Variants in ZBTB20 observed in about 807,000 individuals in gnomAD.
ZBTB20 encodes zinc finger and BTB domain-containing protein 20.
Under a neutral mutation model 56.9 loss-of-function variants are expected in ZBTB20, and 9 were observed. The ratio of observed to expected loss-of-function variants is 0.16; its 90% CI spans 0.10 to 0.28. The LOEUF (loss-of-function observed/expected upper bound fraction) is 0.28. Ranked by LOEUF, ZBTB20 falls within the 10% of genes least tolerant of loss-of-function variation. The probability of loss-of-function intolerance (pLI) is 1.00; values close to 1 mark genes in which losing one functional copy is unlikely to be tolerated. For missense variants in ZBTB20, 655 were observed against 1,003.0 expected (o/e 0.65, Z 4.69); for synonymous variants, 417 against 420.7 (o/e 0.99, Z 0.11).
intron 10 of ZBTB20, among the ~76,000 whole-genome samples, chr3:114,370,373 C>T (rs1396955799): frequency 6.6e-6 from 1 of 152,110 alleles, no homozygotes; most frequent in African/African-American, 2.4e-5. Context: ...TTTTGTGACA[C>T]ATCTGATTCT....
Position 114,314,732 on chromosome 3 carries a change from C to T in ZBTB20, c.*24273G>A, listed in dbSNP as rs1264380952. On this transcript the variant is annotated 3_prime_UTR_variant, in exon 12 of 12. Coordinates refer to ENST00000675478, the MANE Select transcript of ZBTB20 (RefSeq NM_001348800.3). Reference sequence around the variant, plus strand: ...TCGTATTTTTAAGGCGTAATACTTCCGTATAAAGTATATGCAAGAGATAAA... The same window carrying T: ...TCGTATTTTTAAGGCGTAATACTTCTGTATAAAGTATATGCAAGAGATAAA... 6 of 151,496 alleles carry T rather than the reference C, an allele frequency of 4.0e-5. No individual in the cohort carries two copies. Among genetic ancestry groups the T allele is most frequent in the South Asian group, 4.2e-4 (2 of 4,798 alleles). 9.4% of individuals were successfully genotyped at this position (151,496 alleles called of 1,614,324 possible).
At chr3:114,492,648 C>T (rs1451660202) in intron 7 of ZBTB20, among the ~76,000 whole-genome samples, 1 of 152,086 alleles carries the variant, frequency 6.6e-6, no homozygotes, top group East Asian at 1.9e-4. Flanking sequence ...CATTTTTGAT[C>T]CTTCCAAATT....
chr3:115,013,383 G>A (rs72960382), intron 2 of ZBTB20, among the ~76,000 whole-genome samples: 24,074 of 151,486 alleles, frequency 0.16, 3,763 homozygotes, highest in African/African-American at 0.41. Flanking sequence ...TTAAAGGATC[G>A]TTAGTGGCTG....
intron 7 of ZBTB20, among the ~76,000 whole-genome samples, chr3:114,496,641 A>G (rs555399717): frequency 6.6e-6 from 1 of 152,326 alleles, no homozygotes; most frequent in East Asian, 1.9e-4. Context: ...CTGGCAGCCC[A>G]AAGTGAACAA....
Position 114,380,866 on chromosome 3 carries a change from G to C in ZBTB20, c.-79C>G. 7.6e-7 allele frequency: 1 copy of C among 1,314,224 alleles called. No individual in the cohort carries two copies. The highest frequency in any genetic ancestry group is 1.8e-5 in the South Asian group (1 of 56,620). The allele number at this position is 1,314,224 out of a possible 1,614,324, so 81.4% of individuals were successfully genotyped here. A position where few individuals can be genotyped will look rare whatever the true frequency, so the allele number is the denominator to read the frequency against. ...TGGGAGTCAGGAGACTTGAGCTACC[G>C]TACTAGCTGTGCCTCTAACTTGCTG... On this transcript the variant is annotated 5_prime_UTR_variant, in exon 9 of 12. Transcript: ENST00000675478.
chr3:114,980,156 T>C (rs1295595660), intron 2 of ZBTB20, among the ~76,000 whole-genome samples: 2 of 152,200 alleles, frequency 1.3e-5, no homozygotes, highest in South Asian at 2.1e-4. Flanking sequence ...CCTTTTATTA[T>C]GTGAAGCTTC....
At chr3:114,734,442 C>A (rs1369792419) in intron 5 of ZBTB20, among the ~76,000 whole-genome samples, 1 of 151,684 alleles carries the variant, frequency 6.6e-6, no homozygotes, top group African/African-American at 2.4e-5. Context: ...TTTTTTGATA[C>A]CATATAGTAT....
chr3:114,589,278 T>C (rs1379904760), intron 6 of ZBTB20, among the ~76,000 whole-genome samples: 1 of 152,178 alleles, frequency 6.6e-6, no homozygotes, highest in Non-Finnish European at 1.5e-5. Context: ...ATGACAACCC[T>C]TGTGTGTATT....
chr3:115,064,545 G>A (rs576722324), intron 2 of ZBTB20, among the ~76,000 whole-genome samples: 519 of 142,236 alleles, frequency 3.6e-3, no homozygotes, highest in African/African-American at 0.012. Flanking sequence ...TCCGCCTCCC[G>A]GGTTCAAGTG....
intron 5 of ZBTB20, among the ~76,000 whole-genome samples, chr3:114,783,709 C>T (rs1469653169): frequency 2.0e-5 from 3 of 149,744 alleles, no homozygotes; most frequent in African/African-American, 4.9e-5. Context: ...AGAAGAATTG[C>T]TTGAATCTGG....
intron 5 of ZBTB20, among the ~76,000 whole-genome samples, chr3:114,796,619 G>A (rs77180671): frequency 0.047 from 7,079 of 151,894 alleles, 403 homozygotes; most frequent in African/African-American, 0.14. Context: ...ATCAAAGAAA[G>A]AGAATAAATG....
At chr3:115,045,522 G>T (rs573101467) in intron 2 of ZBTB20, among the ~76,000 whole-genome samples, 1 of 151,628 alleles carries the variant, frequency 6.6e-6, no homozygotes, top group African/African-American at 2.4e-5. Context: ...TTTGTTTACT[G>T]GTATTGTTAT....
At chr3:114,541,262 T>G (rs2049082109) in intron 6 of ZBTB20, among the ~76,000 whole-genome samples, 1 of 152,132 alleles carries the variant, frequency 6.6e-6, no homozygotes. Context: ...AATGTTAAGG[T>G]TGAGCTTCTA....
intron 10 of ZBTB20, chr3:114,379,208 A>C (rs2084021660): frequency 6.6e-6 from 1 of 152,248 alleles, no homozygotes; most frequent in Non-Finnish European, 1.5e-5. Context: ...TTTGTGGACA[A>C]AATTTTATTT....
intron 1 of ZBTB20, among the ~76,000 whole-genome samples, chr3:115,104,350 G>T (rs1255645746): frequency 6.6e-6 from 1 of 152,184 alleles, no homozygotes; most frequent in African/African-American, 2.4e-5. Flanking sequence ...TGGTATTTAT[G>T]CAAAGGAATT....
chr3:114,692,001 C>A (rs2062725879), intron 6 of ZBTB20, among the ~76,000 whole-genome samples: 1 of 152,022 alleles, frequency 6.6e-6, no homozygotes, highest in Non-Finnish European at 1.5e-5. Context: ...ATCTCCATAC[C>A]TAGAAGGGAA....
chr3:114,726,142 A>T (rs922798284), intron 5 of ZBTB20, among the ~76,000 whole-genome samples: 48 of 152,184 alleles, frequency 3.2e-4, no homozygotes, highest in African/African-American at 1.1e-3. Flanking sequence ...CATGACTGGT[A>T]AGGGTTTTGT....
At chr3:114,668,208 C>T (rs2108140106) in intron 6 of ZBTB20, among the ~76,000 whole-genome samples, 1 of 152,040 alleles carries the variant, frequency 6.6e-6, no homozygotes, top group South Asian at 2.1e-4. Context: ...TTTTAAAGGA[C>T]CTTAAAAGAT....
chr3:114,474,235 A>G (rs2040479502), intron 7 of ZBTB20, among the ~76,000 whole-genome samples: 1 of 152,244 alleles, frequency 6.6e-6, no homozygotes, highest in African/African-American at 2.4e-5. Flanking sequence ...CATATCCCAC[A>G]GGAATATGTT....
Sources: allele counts gnomAD v4.1 joint callset (sites outside exome capture counted in the v4.1 genomes callset), GRCh38; gene constraint gnomAD v4.1.1; transcripts MANE v1.5; gene names NCBI Gene and HGNC (gene_info 2026-07-23, HGNC 2026-07-21).